The following ZNF148 variants were observed in gnomAD, a reference collection of about 807,000 sequenced individuals.
ZNF148 encodes Beta-Enolase Repressor Factor-1.
A neutral mutation model predicts 67.7 loss-of-function variants in ZNF148; 7 were observed. That is an observed-to-expected ratio of 0.10 (90% CI 0.06 to 0.19). The LOEUF (loss-of-function observed/expected upper bound fraction) is 0.19. Ranked by LOEUF, ZNF148 falls within the 10% of genes least tolerant of loss-of-function variation. The pLI, the probability that ZNF148 is intolerant of heterozygous loss-of-function variation, is 1.00. For missense variants in ZNF148, 583 were observed against 947.1 expected (o/e 0.62, Z 5.05); for synonymous variants, 333 against 330.7 (o/e 1.01, Z -0.08).
intron 1 of ZNF148, among the ~76,000 whole-genome samples, chr3:125,373,527 T>A (rs1403967649): frequency 6.6e-6 from 1 of 152,144 alleles, no homozygotes; most frequent in Non-Finnish European, 1.5e-5. Context: ...GTTCATTTCC[T>A]GACATAGAGA....
rs759657644 is a variant in ZNF148 at position 125,232,562 on chromosome 3, G to C, written c.2164C>G (p.Gln722Glu). ...TCAAAGGAGCTCATTTGGTAAGCTT[G>C]GTGGACAGGCTGGGCCTCAGCTTTC... is the stretch of plus-strand genomic sequence containing the variant. ...QKKAEAQPVH[Q>E]AYQMSSFEQP... The change falls in exon 9 of 9, where the codon CAA becomes GAA. Residue 722 changes from glutamine (Q) to glutamate (E), a missense_variant. Transcript: ENST00000360647. This position sits in a 1 kb window ranked among gnomAD's most constrained non-coding sequence, Gnocchi z 4.2. 1 of 1,613,762 alleles carries C rather than the reference G, an allele frequency of 6.2e-7. No individual in the cohort carries two copies. The highest frequency in any genetic ancestry group is 8.5e-7 in the Non-Finnish European group (1 of 1,179,748).
intron 7 of ZNF148, among the ~76,000 whole-genome samples, chr3:125,236,931 C>T (rs999191083): frequency 6.6e-6 from 1 of 151,908 alleles, no homozygotes; most frequent in Non-Finnish European, 1.5e-5. Flanking sequence ...TATTGAAGGC[C>T]GAAAAGTTAA....
At chr3:125,265,969 C>T (rs1323046721) in intron 7 of ZNF148, among the ~76,000 whole-genome samples, 2 of 151,760 alleles carry the variant, frequency 1.3e-5, no homozygotes, top group South Asian at 2.1e-4. Flanking sequence ...TAAAAAAAGA[C>T]AAAGAAGGTC....
intron 7 of ZNF148, among the ~76,000 whole-genome samples, chr3:125,242,219 T>C (rs537392067): frequency 1.3e-5 from 2 of 152,362 alleles, no homozygotes; most frequent in South Asian, 4.1e-4. Flanking sequence ...ATCTTTTCTT[T>C]TATGGATACT....
chr3:125,284,638 A>G (rs1215460889), intron 5 of ZNF148, among the ~76,000 whole-genome samples: 2 of 152,208 alleles, frequency 1.3e-5, no homozygotes, highest in East Asian at 1.9e-4. Flanking sequence ...AATACACTAG[A>G]TTTAAAAGGA....
intron 7 of ZNF148, among the ~76,000 whole-genome samples, chr3:125,234,945 G>T (rs1393772177): frequency 6.6e-6 from 1 of 151,910 alleles, no homozygotes; most frequent in African/African-American, 2.4e-5. Flanking sequence ...CCCCATTTTT[G>T]AAAATCCCCT....
chr3:125,331,988 C>A (rs1459427575), intron 1 of ZNF148, among the ~76,000 whole-genome samples: 4 of 152,140 alleles, frequency 2.6e-5, no homozygotes, highest in Admixed American at 6.5e-5. Flanking sequence ...ATAGATAAAG[C>A]ATTTTATGTA....
intron 7 of ZNF148, among the ~76,000 whole-genome samples, chr3:125,256,461 G>C (rs1937083530): frequency 6.6e-6 from 1 of 151,928 alleles, no homozygotes; most frequent in African/African-American, 2.4e-5. Context: ...CGGATCACCT[G>C]AGCTCAGGAG....
chr3:125,286,870 G>A (rs1219140414), intron 5 of ZNF148, among the ~76,000 whole-genome samples: 1 of 152,108 alleles, frequency 6.6e-6, no homozygotes, highest in East Asian at 1.9e-4. Flanking sequence ...GGTTATTTTA[G>A]TCTCTATGTT....
At chr3:125,343,160 T>A (rs1941800944) in intron 1 of ZNF148, among the ~76,000 whole-genome samples, 2 of 152,246 alleles carry the variant, frequency 1.3e-5, no homozygotes, top group Non-Finnish European at 2.9e-5. Flanking sequence ...ACTCACATTT[T>A]AAACACGATG....
chr3:125,345,336 A>G (rs916275131), intron 1 of ZNF148, among the ~76,000 whole-genome samples: 2 of 152,190 alleles, frequency 1.3e-5, no homozygotes, highest in African/African-American at 4.8e-5. Flanking sequence ...ATACATAAAA[A>G]TAAATGAAAA....
At chr3:125,272,136 T>A (rs1937777405) in intron 7 of ZNF148, among the ~76,000 whole-genome samples, 1 of 152,220 alleles carries the variant, frequency 6.6e-6, no homozygotes, top group African/African-American at 2.4e-5. Flanking sequence ...ACTCTTGAGA[T>A]CACTTAAGTT....
intron 5 of ZNF148, 108 bp downstream of exon 5, chr3:125,287,995 C>T (rs1560143035): frequency 3.9e-6 from 6 of 1,525,866 alleles, no homozygotes; most frequent in Non-Finnish European, 5.3e-6. Context: ...TACTAAACCA[C>T]ACAAGACTTC....
rs74963574 is a variant in ZNF148, at chr3:125,368,103, T to C, written c.-234+6999A>G. Among the ~76,000 whole-genome samples the C allele has an allele frequency of 3.8e-3, 579 of 152,340 alleles. 25 individuals carry two copies. The East Asian group carries it at 0.069, about 18-fold the overall frequency. On this transcript the variant is annotated intron_variant, in intron 1 of 8. Transcript: ENST00000360647. ...TTCACTTAAATCATTTCACCAAACC[T>C]TAGCCAATGTTCATTTCTCCATTCC...
At position 125,229,677 on chromosome 3, in the gene ZNF148, TC is replaced by T. The variant is rs1330497327; in HGVS notation, c.*2663del. The T allele has an allele frequency of 2.0e-5, 3 of 152,128 alleles. No homozygotes were observed. The highest frequency in any genetic ancestry group is 4.4e-5 in the Non-Finnish European group (3 of 68,012). 9.4% of individuals were successfully genotyped at this position (152,128 alleles called of 1,614,324 possible). ...AGCATGTTTTTATAGAACAATGTGC[TC>T]ACTTTGAGAAATGAGAAACATGAAT... On this transcript the variant is annotated 3_prime_UTR_variant, in exon 9 of 9. Coordinates refer to ENST00000360647, the MANE Select transcript of ZNF148 (RefSeq NM_021964.3).
chr3:125,331,054 C>G, intron 2 of ZNF148, 104 bp downstream of exon 2: 1 of 397,318 alleles, frequency 2.5e-6, no homozygotes, highest in Non-Finnish European at 4.4e-6. Flanking sequence ...AGGGATTGGC[C>G]ATAAATGCAC....
At position 125,348,019 on chromosome 3, in the gene ZNF148, C is replaced by G. The variant is rs533291002; in HGVS notation, c.-233-16781G>C. 2.0e-5 allele frequency among the ~76,000 whole-genome samples: 3 copies of G among 152,174 alleles called. No individual in the cohort carries two copies. In the East Asian group the frequency reaches 5.8e-4, roughly 29 times the overall value. On this transcript the variant is annotated intron_variant, in intron 1 of 8. Coordinates refer to ENST00000360647, the MANE Select transcript of ZNF148 (RefSeq NM_021964.3). ...CAGTGGCTCATGCCTGTTATCCCAG[C>G]AAACGCAGGTGGATCATTTGAGCCC...
chr3:125,313,159 A>C (rs1342622165), intron 4 of ZNF148, 149 bp downstream of exon 4: 23 of 546,404 alleles, frequency 4.2e-5, no homozygotes, highest in South Asian at 1.9e-4. Context: ...TTTGCCTTTC[A>C]AATATGATTT....
At chr3:125,369,127 T>C (rs1942790519) in intron 1 of ZNF148, among the ~76,000 whole-genome samples, 1 of 150,396 alleles carries the variant, frequency 6.6e-6, no homozygotes, top group African/African-American at 2.5e-5. Context: ...CTGGGTGTGC[T>C]GGTGTGTGCC....
Sources: allele counts gnomAD v4.1 joint callset (sites outside exome capture counted in the v4.1 genomes callset), GRCh38; gene constraint gnomAD v4.1.1; non-coding constraint Gnocchi (gnomAD v3.1); transcripts MANE v1.5; gene names NCBI Gene and HGNC (gene_info 2026-07-23, HGNC 2026-07-21).